PLPP4: variants seen among roughly 807,000 people sequenced by gnomAD.
PLPP4 encodes the protein diacylglycerol pyrophosphate like 2.
In PLPP4, 20 loss-of-function variants were observed where a neutral mutation model predicts 32.2. The ratio of observed to expected loss-of-function variants is 0.62; its 90% CI spans 0.44 to 0.90. The LOEUF (loss-of-function observed/expected upper bound fraction) is 0.90, where lower values mean the gene tolerates loss of function less well. PLPP4 is among the 40% of genes least tolerant of loss of function. PLPP4 has a pLI of 0.00. For synonymous variants in PLPP4, 127 were observed against 133.0 expected (o/e 0.95, Z 0.31); for missense variants, 257 against 353.1 (o/e 0.73, Z 2.18).
At chr10:120,499,488 C>G (rs1015228739) in intron 1 of PLPP4, among the ~76,000 whole-genome samples, 1 of 151,902 alleles carries the variant, frequency 6.6e-6, no homozygotes, top group East Asian at 1.9e-4. Context: ...CCTTCTACCA[C>G]AGTCATGGAG....
chr10:120,503,026 T>G (rs1452187030), intron 1 of PLPP4, among the ~76,000 whole-genome samples: 1 of 152,220 alleles, frequency 6.6e-6, no homozygotes, highest in African/African-American at 2.4e-5. Flanking sequence ...TAGTCTCTCT[T>G]GTAGGGACAG....
chr10:120,585,421 C>A (rs1335127165), intron 6 of PLPP4, among the ~76,000 whole-genome samples: 1 of 152,174 alleles, frequency 6.6e-6, no homozygotes. Context: ...GATCTGTAAG[C>A]TTCTGAGTTG....
At chr10:120,469,227 CTTTT>C (rs540404965) in intron 1 of PLPP4, among the ~76,000 whole-genome samples, 1 of 32,250 alleles carries the variant, frequency 3.1e-5, no homozygotes, top group Non-Finnish European at 9.7e-5. Context: ...GGAACTGCAA[CTTTT>C]TTTTTTTTTT....
chr10:120,515,182 T>C (rs993914615), intron 3 of PLPP4, among the ~76,000 whole-genome samples: 1 of 152,096 alleles, frequency 6.6e-6, no homozygotes, highest in Non-Finnish European at 1.5e-5. Flanking sequence ...AGGGCTCTGA[T>C]AAGCAATCTC....
At chr10:120,463,953 A>T (rs2478396) in intron 1 of PLPP4, among the ~76,000 whole-genome samples, 130,287 of 152,214 alleles carry the variant, frequency 0.86, 56,646 homozygotes, top group South Asian at 0.95. Context: ...TAGCTGGGAC[A>T]ATAGGTGTGC....
intron 6 of PLPP4, among the ~76,000 whole-genome samples, chr10:120,580,702 A>G (rs1412174315): frequency 6.7e-6 from 1 of 149,704 alleles, no homozygotes; most frequent in African/African-American, 2.5e-5. Context: ...ATACACTGTT[A>G]TAAGCAGGCC....
At chr10:120,518,382 C>T (rs866311485) in intron 3 of PLPP4, among the ~76,000 whole-genome samples, 5 of 152,064 alleles carry the variant, frequency 3.3e-5, no homozygotes, top group Admixed American at 1.3e-4. Flanking sequence ...AGATAATTGC[C>T]GAGTGGGAAT....
At chr10:120,462,828 G>A (rs1848119137) in intron 1 of PLPP4, among the ~76,000 whole-genome samples, 1 of 152,130 alleles carries the variant, frequency 6.6e-6, no homozygotes, top group South Asian at 2.1e-4. Flanking sequence ...ATGGATGGCA[G>A]CACCGCAGGG....
chr10:120,576,583 GT>G (rs1849234794), intron 6 of PLPP4, among the ~76,000 whole-genome samples: 1 of 152,216 alleles, frequency 6.6e-6, no homozygotes, highest in African/African-American at 2.4e-5. Context: ...TGCTCTGGGT[GT>G]CCTGTGACCC....
chr10:120,589,060 A>G (rs1589945669), intron 6 of PLPP4, among the ~76,000 whole-genome samples: 1 of 152,066 alleles, frequency 6.6e-6, no homozygotes, highest in South Asian at 2.1e-4. Context: ...AACAACAACA[A>G]CCCAAAACAA....
intron 6 of PLPP4, among the ~76,000 whole-genome samples, chr10:120,575,523 C>T (rs1487325814): frequency 6.6e-6 from 1 of 152,190 alleles, no homozygotes; most frequent in Non-Finnish European, 1.5e-5. Context: ...CTCCTTCATG[C>T]TCCAGGAGAC....
chr10:120,526,297 TTG>T (rs1564816221), intron 5 of PLPP4, among the ~76,000 whole-genome samples: 1 of 152,122 alleles, frequency 6.6e-6, no homozygotes, highest in Non-Finnish European at 1.5e-5. Context: ...TTCCCTTTAT[TTG>T]TGTGTTTTTG....
At chr10:120,580,798 C>T in intron 6 of PLPP4, 2 of 1,002,984 alleles carry the variant, frequency 2.0e-6, no homozygotes, top group South Asian at 1.4e-5. Flanking sequence ...ATTGTTTCTG[C>T]CAAAAACCTG....
At chr10:120,583,739 T>C (rs931210472) in intron 6 of PLPP4, among the ~76,000 whole-genome samples, 1 of 152,236 alleles carries the variant, frequency 6.6e-6, no homozygotes, top group African/African-American at 2.4e-5. Context: ...TAGTGCCTCT[T>C]GTAGATGTTG....
intron 5 of PLPP4, among the ~76,000 whole-genome samples, chr10:120,566,122 A>G (rs1848680241): frequency 6.6e-6 from 1 of 152,194 alleles, no homozygotes. Flanking sequence ...AGCATATTGC[A>G]AATAGTTATT....
chr10:120,515,079 T>C (rs889459821), intron 3 of PLPP4, among the ~76,000 whole-genome samples: 1 of 152,172 alleles, frequency 6.6e-6, no homozygotes, highest in African/African-American at 2.4e-5. Flanking sequence ...CAGAGAACGC[T>C]TCCTATATAA....
chr10:120,536,476 G>A (rs916388318), intron 5 of PLPP4, among the ~76,000 whole-genome samples: 2 of 151,932 alleles, frequency 1.3e-5, no homozygotes, highest in African/African-American at 4.8e-5. Flanking sequence ...GGGAAAATTG[G>A]ATATCCACGT....
chr10:120,478,154 G>A (rs954943340), intron 1 of PLPP4, among the ~76,000 whole-genome samples: 4 of 152,172 alleles, frequency 2.6e-5, no homozygotes, highest in Admixed American at 6.5e-5. Context: ...AGGTGACAGT[G>A]GGCTTGTGTG....
rs182607603 is a variant in PLPP4, at chr10:120,467,385, C to T, written c.56+10024C>T. 4.7e-5 allele frequency among the ~76,000 whole-genome samples: 3 copies of T among 64,404 alleles called. 1 individual carries two copies. The highest frequency in any genetic ancestry group is 1.0e-4 in the African/African-American group (3 of 30,128). 42.3% of individuals were successfully genotyped at this position (64,404 alleles called of 152,430 possible). On this transcript the variant is annotated intron_variant, in intron 1 of 6. Coordinates refer to ENST00000398250, the MANE Select transcript of PLPP4 (RefSeq NM_001030059.3). ...GATTACAGGCGTGAGCCACCGCGCC[C>T]GGCCTGTGTAGGTATATTTTAATTG...
Sources: gnomAD v4.1 joint callset for allele counts (sites outside exome capture counted in the v4.1 genomes callset) on GRCh38, gnomAD v4.1.1 for gene constraint, MANE v1.5 for transcripts, NCBI Gene and HGNC (gene_info 2026-07-23, HGNC 2026-07-21) for gene names.